Variants in ZNF875 observed in about 807,000 individuals in gnomAD.
ZNF875 encodes HKR1, GLI-Kruppel zinc finger family member.
In ZNF875, 14 loss-of-function variants were observed where a neutral mutation model predicts 11.2. That is an observed-to-expected ratio of 1.26 (90% CI 0.83 to 1.96). The LOEUF (loss-of-function observed/expected upper bound fraction) is 1.96, where lower values mean the gene tolerates loss of function less well. Ranked by LOEUF, ZNF875 falls within the 30% of genes most tolerant of loss-of-function variation. The probability of loss-of-function intolerance (pLI) is 0.00; values close to 1 mark genes in which losing one functional copy is unlikely to be tolerated. For missense variants in ZNF875, 752 were observed against 760.4 expected (o/e 0.99, Z 0.13); for synonymous variants, 301 against 281.1 (o/e 1.07, Z -0.71).
chr19:37,355,659 A>G (rs776007406), intron 4 of ZNF875, among the ~76,000 whole-genome samples: 1 of 152,206 alleles, frequency 6.6e-6, no homozygotes, highest in Non-Finnish European at 1.5e-5. Context: ...TTTACTTTCC[A>G]GAACATAATC....
At chr19:37,340,927 C>T (rs1486125978) in intron 2 of ZNF875, among the ~76,000 whole-genome samples, 2 of 152,138 alleles carry the variant, frequency 1.3e-5, no homozygotes, top group Admixed American at 6.5e-5. Flanking sequence ...GGATTACAGG[C>T]GTGAGCCACC....
chr19:37,354,921 T>C (rs1433264677), intron 4 of ZNF875, among the ~76,000 whole-genome samples: 1 of 152,202 alleles, frequency 6.6e-6, no homozygotes, highest in African/African-American at 2.4e-5. Context: ...ACCTCCAGAA[T>C]TGTGAGCCAA....
chr19:37,341,732 CA>C (rs546470819), intron 2 of ZNF875, among the ~76,000 whole-genome samples: 39 of 152,102 alleles, frequency 2.6e-4, no homozygotes, highest in Non-Finnish European at 4.9e-4. Flanking sequence ...CATCTTGATT[CA>C]AAAGTCCAGT....
At chr19:37,319,271 C>T (rs1449768548) in intron 1 of ZNF875, among the ~76,000 whole-genome samples, 1 of 149,082 alleles carries the variant, frequency 6.7e-6, no homozygotes, top group Non-Finnish European at 1.5e-5. Flanking sequence ...GTTTCGAACT[C>T]CCGAGCTTGG....
intron 4 of ZNF875, among the ~76,000 whole-genome samples, chr19:37,326,103 A>G (rs144243803): frequency 2.5e-3 from 388 of 152,214 alleles, no homozygotes; most frequent in Non-Finnish European, 4.1e-3. Context: ...TGGCCTTCCA[A>G]AGTGCTGGGA....
intron 4 of ZNF875, among the ~76,000 whole-genome samples, chr19:37,360,972 A>G (rs1315855265): frequency 6.6e-6 from 1 of 151,824 alleles, no homozygotes; most frequent in African/African-American, 2.4e-5. Flanking sequence ...CCTAAGTACA[A>G]TTATGACTTC....
At chr19:37,335,985 G>A (rs577451926) in intron 2 of ZNF875, among the ~76,000 whole-genome samples, 1 of 152,078 alleles carries the variant, frequency 6.6e-6, no homozygotes, top group African/African-American at 2.4e-5. Flanking sequence ...CATCCTTACC[G>A]CAGTCACTCA....
In ZNF875 at chr19:37,347,785, T is replaced by C. The variant is rs770380410; in HGVS notation, c.169T>C (p.Ser57Pro). 3 of 1,610,970 alleles carry C rather than the reference T, an allele frequency of 1.9e-6. No individual in the cohort carries two copies. The East Asian group carries it at 6.7e-5, about 36-fold the overall frequency. Reference protein sequence around the residue: ...YNHLVSLEIPSSKPKLIAQLE... With the variant: ...YNHLVSLEIPPSKPKLIAQLE... ...TTCTTCCCTATGAACAGAAATTCCATCTTCTAAACCAAAACTCATTGCTCA... is the reference window on the plus strand; with the variant it reads ...TTCTTCCCTATGAACAGAAATTCCACCTTCTAAACCAAAACTCATTGCTCA... Residue 57 changes from serine (S) to proline (P), a missense_variant, in exon 4 of 5, where the codon TCT (serine) becomes CCT (proline). Transcript: ENST00000392153.
Position 37,347,868 on chromosome 19 carries a change from T to C in ZNF875, c.252T>C (p.Cys84=). The C allele has an allele frequency of 6.3e-7, 1 of 1,583,548 alleles. No homozygotes were observed. The highest frequency in any genetic ancestry group is 8.7e-7 in the Non-Finnish European group (1 of 1,152,098). Residue 84 remains cysteine, a synonymous_variant, in exon 4 of 5, where the codon TGT becomes TGC. Transcript: ENST00000392153. ...AGAGAAAATGTCCACTGGACCTCTG[T>C]CCAGGTGAGTGTTGAGTGTGGGGTA... The part of the protein sequence containing the change: ...REERKCPLDL[C]PESKPEIQLS...
In ZNF875 at chr19:37,347,207, G is replaced by A. The variant is rs761768102; in HGVS notation, c.51G>A (p.Arg17=). 1 of 1,614,130 alleles carries A rather than the reference G, an allele frequency of 6.2e-7. No individual in the cohort carries two copies. Among genetic ancestry groups the A allele is most frequent in the Admixed American group, 1.7e-5 (1 of 60,020 alleles). Residue 17 remains arginine (R), a synonymous_variant, in exon 3 of 5, where the codon AGG becomes AGA. Transcript: ENST00000392153. Reference sequence around the variant, plus strand: ...TGTTAAAGGCGTTCGTGGCATTCAGGGATGTGGCTGTGTACTTCACCCAGG... The same window carrying A: ...TGTTAAAGGCGTTCGTGGCATTCAGAGATGTGGCTGTGTACTTCACCCAGG... ...RAKKEAFVAF[R]DVAVYFTQEE... is the part of the protein sequence containing the mutation.
At chr19:37,321,613 C>T (rs2031474284) in intron 1 of ZNF875, among the ~76,000 whole-genome samples, 2 of 152,136 alleles carry the variant, frequency 1.3e-5, no homozygotes, top group Non-Finnish European at 2.9e-5. Context: ...GTGTCTCTTT[C>T]TTTTCTCAGT....
chr19:37,341,168 C>T lies in ZNF875; in HGVS notation c.33+5911C>T, dbSNP rs180711927. ...CCAGCAAGCCAACGGTCACATTAGT[C>T]ACCACGTATTTTTCATATCACGTGA... On this transcript the variant is annotated intron_variant, in intron 2 of 4. Coordinates refer to ENST00000392153, the MANE Select transcript of ZNF875 (RefSeq NM_001353803.2). 2.1e-3 allele frequency among the ~76,000 whole-genome samples: 327 copies of T among 152,302 alleles called. 5 individuals are homozygous for T. Among genetic ancestry groups the T allele is most frequent in the Admixed American group, 0.02 (312 of 15,302 alleles).
intron 2 of ZNF875, among the ~76,000 whole-genome samples, chr19:37,344,172 C>T (rs901897430): frequency 8.5e-5 from 13 of 152,116 alleles, no homozygotes; most frequent in Admixed American, 2.0e-4. Context: ...AAGATATCAA[C>T]GCAAAGTCAT....
At position 37,363,499 on chromosome 19, in the gene ZNF875, G is replaced by T; in HGVS notation, c.1647G>T (p.Leu549=). Residue 549 remains leucine, a synonymous_variant, in exon 5 of 5, where the codon CTG becomes CTT. Transcript: ENST00000392153. ...CGRRFRQKPN[L]FRHKRAHSGA... is the part of the protein sequence containing the mutation. ...GAAGGTTTCGGCAGAAGCCTAACCT[G>T]TTTAGGCACAAGAGGGCACACTCAG... The T allele has an allele frequency of 2.5e-6, 4 of 1,613,178 alleles. No homozygotes were observed. Among genetic ancestry groups the T allele is most frequent in the Non-Finnish European group, 3.4e-6 (4 of 1,179,646 alleles).
chr19:37,327,024 G>T (rs2032572493), intron 4 of ZNF875, among the ~76,000 whole-genome samples: 1 of 149,902 alleles, frequency 6.7e-6, no homozygotes, highest in East Asian at 2.0e-4. Context: ...ATGAAGTCTT[G>T]CTCTGTCTCC....
rs140844300 is a variant in ZNF875 at position 37,357,982 on chromosome 19, G to A, written c.257-4127G>A. 9.2e-4 allele frequency: 365 copies of A among 398,264 alleles called. 1 individual carries two copies. The highest frequency in any genetic ancestry group is 3.4e-3 in the African/African-American group (165 of 48,620). The allele number at this position is 398,264 out of a possible 1,614,324, so 24.7% of individuals were successfully genotyped here. On this transcript the variant is annotated intron_variant, in intron 4 of 4. Transcript: ENST00000392153. Reference sequence around the variant, plus strand: ...CTTAGGGGGAATGGTTTCAGCTTTCGCCCATTCAGTATGAAGTTGGCTGTA... The same window carrying A: ...CTTAGGGGGAATGGTTTCAGCTTTCACCCATTCAGTATGAAGTTGGCTGTA...
At chr19:37,345,404 T>C (rs918055242) in intron 2 of ZNF875, among the ~76,000 whole-genome samples, 2 of 152,012 alleles carry the variant, frequency 1.3e-5, no homozygotes, top group Non-Finnish European at 2.9e-5. Flanking sequence ...GTGGAGCTGG[T>C]AGGGGACAGG....
chr19:37,317,953 T>C, exon 1 of ZNF875: 1 of 155,554 alleles, frequency 6.4e-6, no homozygotes. Flanking sequence ...CCAGTGTGAT[T>C]CCGCAGTCTT....
Position 37,326,663 on chromosome 19 carries a change from G to GATT in ZNF875, c.-603+2398_-603+2399insATT, listed in dbSNP as rs1568566906. 6.3e-5 allele frequency among the ~76,000 whole-genome samples: 7 copies of GATT among 110,892 alleles called. 1 individual carries two copies. Among genetic ancestry groups the GATT allele is most frequent in the African/African-American group, 2.3e-4 (7 of 30,418 alleles). The allele number at this position is 110,892 out of a possible 152,430, so 72.7% of individuals were successfully genotyped here. On this transcript the variant is annotated intron_variant, in intron 4 of 5. Coordinates refer to the ZNF875 transcript ENST00000544914. ...TCAAATTCTAAAGTTAAATTAGAAA[G>GATT]CTTTTTTTTTTTTTTTTTTTTTGAG... is the stretch of plus-strand genomic sequence containing the variant.
Sources: gnomAD v4.1 joint callset for allele counts (sites outside exome capture counted in the v4.1 genomes callset) on GRCh38, gnomAD v4.1.1 for gene constraint, MANE v1.5 for transcripts, NCBI Gene and HGNC (gene_info 2026-07-23, HGNC 2026-07-21) for gene names.